WWOX: variants seen among roughly 807,000 people sequenced by gnomAD.
WWOX encodes WW domain containing oxidoreductase, also known as WW domain-containing oxidoreductase.
A neutral mutation model predicts 46.2 loss-of-function variants in WWOX; 69 were observed. The observed-to-expected ratio is 1.49, with a 90% confidence interval of 1.23 to 1.82. The LOEUF is 1.82. Among genes scored for constraint, WWOX ranks in the 40% most tolerant of loss-of-function variants. The pLI is 0.00. For missense variants in WWOX, 919 were observed against 542.6 expected (o/e 1.69, Z -6.89); for synonymous variants, 359 against 202.6 (o/e 1.77, Z -6.56).
intron 8 of WWOX, among the ~76,000 whole-genome samples, chr16:78,746,187 C>G (rs1228047249): frequency 6.6e-6 from 1 of 152,184 alleles, no homozygotes; most frequent in Non-Finnish European, 1.5e-5. Flanking sequence ...CAGCAGAAAG[C>G]TGACGTAGTT....
At chr16:78,933,284 C>T (rs972452270) in intron 8 of WWOX, among the ~76,000 whole-genome samples, 1 of 152,104 alleles carries the variant, frequency 6.6e-6, no homozygotes, top group Non-Finnish European at 1.5e-5. Context: ...ACTAAAAATA[C>T]AAAAATTAGC....
intron 8 of WWOX, among the ~76,000 whole-genome samples, chr16:78,457,881 A>G (rs1236037125): frequency 7.2e-6 from 1 of 138,434 alleles, no homozygotes; most frequent in Non-Finnish European, 1.5e-5. Context: ...GCCCTACTGC[A>G]CTCCAGCCTG....
At chr16:78,373,947 C>T (rs557589389) in intron 5 of WWOX, among the ~76,000 whole-genome samples, 56 of 152,136 alleles carry the variant, frequency 3.7e-4, no homozygotes, top group African/African-American at 1.3e-3. Flanking sequence ...CCACCAGGCC[C>T]GGCCAATTTT....
intron 8 of WWOX, among the ~76,000 whole-genome samples, chr16:78,859,104 A>T (rs2052656061): frequency 6.9e-6 from 1 of 144,408 alleles, no homozygotes. Context: ...TCAGTTGCAC[A>T]ACTATAATCG....
rs142196308 is a variant in WWOX, at chr16:79,095,231, C to T, written c.1057-116377C>T. ...TTTCTACCCCAACAGGGCTTTCTCC[C>T]TCTGGCTGTTTTATTTAGCGGGAGA... On this transcript the variant is annotated intron_variant, in intron 8 of 8. Coordinates refer to ENST00000566780, the MANE Select transcript of WWOX (RefSeq NM_016373.4). Among the ~76,000 whole-genome samples the T allele has an allele frequency of 6.5e-3, 983 of 152,278 alleles. 12 individuals carry two copies. Among genetic ancestry groups the T allele is most frequent in the African/African-American group, 0.023 (936 of 41,546 alleles).
chr16:79,199,008 C>G (rs771092357), intron 8 of WWOX, among the ~76,000 whole-genome samples: 4 of 152,162 alleles, frequency 2.6e-5, no homozygotes, highest in East Asian at 1.9e-4. Context: ...CTGTCACTTG[C>G]TCTTTGACCT....
intron 5 of WWOX, among the ~76,000 whole-genome samples, chr16:78,356,511 C>G (rs1223147675): frequency 6.6e-6 from 1 of 152,160 alleles, no homozygotes; most frequent in East Asian, 1.9e-4. Flanking sequence ...TAGACCTCAT[C>G]TCCAGTGCTC....
At chr16:78,587,502 T>C (rs188141252) in intron 8 of WWOX, among the ~76,000 whole-genome samples, 19 of 152,260 alleles carry the variant, frequency 1.2e-4, no homozygotes, top group Non-Finnish European at 2.5e-4. Flanking sequence ...TCAAGATAAG[T>C]GTCTTATTGA....
At chr16:78,554,492 G>C (rs1249195526) in intron 8 of WWOX, among the ~76,000 whole-genome samples, 1 of 152,072 alleles carries the variant, frequency 6.6e-6, no homozygotes, top group South Asian at 2.1e-4. Context: ...GATAGATATA[G>C]ATACATACAT....
Position 78,265,607 on chromosome 16 carries a change from G to A in WWOX, c.516+101318G>A, listed in dbSNP as rs537361940. ...GCAGGAGAATTGCTTGAGTCTGGGAGGCGGAGGTTGCAGTCAGCTGAGATT... is the reference window on the plus strand; with the variant it reads ...GCAGGAGAATTGCTTGAGTCTGGGAAGCGGAGGTTGCAGTCAGCTGAGATT... On this transcript the variant is annotated intron_variant, in intron 5 of 8. Coordinates refer to ENST00000566780, the MANE Select transcript of WWOX (RefSeq NM_016373.4). 3.9e-5 allele frequency among the ~76,000 whole-genome samples: 6 copies of A among 152,000 alleles called. No individual in the cohort carries two copies. The South Asian group carries it at 1.2e-3, about 32-fold the overall frequency.
intron 8 of WWOX, among the ~76,000 whole-genome samples, chr16:78,668,849 G>A (rs117507762): frequency 6.6e-6 from 1 of 152,172 alleles, no homozygotes; most frequent in African/African-American, 2.4e-5. Context: ...TTCCTGATGA[G>A]ACACGTGGTG....
intron 8 of WWOX, among the ~76,000 whole-genome samples, chr16:79,136,641 A>C (rs925872564): frequency 1.4e-4 from 22 of 152,168 alleles, no homozygotes; most frequent in African/African-American, 5.3e-4. Flanking sequence ...TGGTCAGTGC[A>C]TGGATTCCAG....
chr16:78,421,317 G>A (rs1384165312), intron 6 of WWOX, among the ~76,000 whole-genome samples: 2 of 152,084 alleles, frequency 1.3e-5, no homozygotes, highest in South Asian at 2.1e-4. Context: ...AGCTTCCCAT[G>A]ACTGCCAGCC....
At chr16:78,319,451 G>C (rs1433693555) in intron 5 of WWOX, among the ~76,000 whole-genome samples, 3 of 151,956 alleles carry the variant, frequency 2.0e-5, no homozygotes, top group Non-Finnish European at 4.4e-5. Context: ...TAGTAGAGGT[G>C]GGGTTTCATC....
intron 5 of WWOX, among the ~76,000 whole-genome samples, chr16:78,330,906 A>G (rs924694515): frequency 1.3e-5 from 2 of 152,246 alleles, no homozygotes; most frequent in Admixed American, 1.3e-4. Context: ...TTTTCAATAC[A>G]GTTAGTCTCT....
At chr16:78,773,672 A>G (rs2050120750) in intron 8 of WWOX, among the ~76,000 whole-genome samples, 1 of 152,198 alleles carries the variant, frequency 6.6e-6, no homozygotes, top group Non-Finnish European at 1.5e-5. Context: ...TTTATTAAAA[A>G]CGAAATCACA....
chr16:78,542,426 G>A (rs1406787161), intron 8 of WWOX, among the ~76,000 whole-genome samples: 1 of 152,142 alleles, frequency 6.6e-6, no homozygotes, highest in African/African-American at 2.4e-5. Flanking sequence ...AGTCAGCCTA[G>A]TCCCCCAGTT....
Position 78,809,948 on chromosome 16 carries a change from G to C in WWOX, c.1056+377196G>C, listed in dbSNP as rs1374662540. Among the ~76,000 whole-genome samples, 4 of 152,270 alleles carry C rather than the reference G, an allele frequency of 2.6e-5. 1 individual carries two copies. Among genetic ancestry groups the C allele is most frequent in the Admixed American group, 1.3e-4 (2 of 15,302 alleles). ...TTCTCAAAGCAAAGTCTCCCTTAGG[G>C]GACCCTTGGTATCCTGTTCATCTGG... is the stretch of plus-strand genomic sequence containing the variant. On this transcript the variant is annotated intron_variant, in intron 8 of 8. Coordinates refer to ENST00000566780, the MANE Select transcript of WWOX (RefSeq NM_016373.4).
rs547187554 is a variant in WWOX, at chr16:78,312,372, G to C, written c.517-74488G>C. ...TAGTGAGTGGCCAGCTGGAGTTGTA[G>C]GTCTAATTCTTTTTTTTTTTTTAAG... On this transcript the variant is annotated intron_variant, in intron 5 of 8. Coordinates refer to ENST00000566780, the MANE Select transcript of WWOX (RefSeq NM_016373.4). 4.6e-3 allele frequency among the ~76,000 whole-genome samples: 480 copies of C among 104,120 alleles called. 4 individuals carry two copies. Among genetic ancestry groups the C allele is most frequent in the African/African-American group, 0.017 (461 of 26,980 alleles). The allele number at this position is 104,120 out of a possible 152,430, so 68.3% of individuals were successfully genotyped here.
Sources: gnomAD v4.1 joint callset for allele counts (sites outside exome capture counted in the v4.1 genomes callset) on GRCh38, gnomAD v4.1.1 for gene constraint, MANE v1.5 for transcripts, NCBI Gene and HGNC (gene_info 2026-07-23, HGNC 2026-07-21) for gene names.